BLNK: variants seen among roughly 807,000 people sequenced by gnomAD.
The protein encoded by BLNK is B cell linker.
BLNK carries 29 observed loss-of-function variants against 73.5 expected under a neutral mutation model. The observed-to-expected ratio is 0.39, with a 90% CI of 0.29 to 0.54. The LOEUF (loss-of-function observed/expected upper bound fraction) is 0.54. BLNK is among the 20% of genes least tolerant of loss of function. The probability of loss-of-function intolerance (pLI) is 0.61; values close to 1 mark genes in which losing one functional copy is unlikely to be tolerated. For synonymous variants in BLNK, 176 were observed against 200.8 expected, an observed-to-expected ratio of 0.88 and a Z score of 1.04; for missense variants, 460 against 562.8, an observed-to-expected ratio of 0.82 and a Z score of 1.85.
At chr10:96,199,746 G>A (rs972814518) in intron 15 of BLNK, among the ~76,000 whole-genome samples, 3 of 152,154 alleles carry the variant, frequency 2.0e-5, no homozygotes, top group South Asian at 2.1e-4. Flanking sequence ...TTGGCCGGGC[G>A]CGGTGGCTCA....
Position 96,223,889 on chromosome 10 carries a change from C to G in BLNK, c.462G>C (p.Pro154=), listed in dbSNP as rs149698554. 6.2e-7 allele frequency: 1 copy of G among 1,613,774 alleles called. No individual in the cohort carries two copies. The change falls in exon 6 of 17, where the codon CCG becomes CCC. Residue 154 remains proline (P), a synonymous_variant. Transcript: ENST00000224337. ...SEKARLTSTL[P]ALTALQKPQV... ...GAGGTTTCTGCAAAGCAGTCAGGGCCGGCAGGGTGGAGGTGAGCCTTGCTT... is the reference window on the plus strand; with the variant it reads ...GAGGTTTCTGCAAAGCAGTCAGGGCGGGCAGGGTGGAGGTGAGCCTTGCTT...
At chr10:96,267,005 A>T (rs1409514816) in intron 1 of BLNK, among the ~76,000 whole-genome samples, 1 of 152,256 alleles carries the variant, frequency 6.6e-6, no homozygotes, top group Non-Finnish European at 1.5e-5. Context: ...TGAGGTGTAG[A>T]GAAACTGAAT....
rs782108365 is a variant in BLNK, at chr10:96,227,439, G to C, written c.332C>G (p.Ala111Gly). The C allele has an allele frequency of 2.5e-6, 4 of 1,614,176 alleles. No individual in the cohort carries two copies. Among genetic ancestry groups the C allele is most frequent in the Non-Finnish European group, 3.4e-6 (4 of 1,180,060 alleles). The stretch of plus-strand genomic sequence containing the variant: ...ATACTCGCCTCTGGCGAAGGGCAGG[G>C]CTGGGTGAACCGGCCTGGTTTCCTG... ...VEQETRPVHP[A>G]LPFARGEYID... Residue 111 changes from alanine to glycine, a missense_variant, in exon 5 of 17, where the codon GCC (alanine) becomes GGC (glycine). Transcript: ENST00000224337.
At chr10:96,240,372 A>T (rs1842845829) in intron 3 of BLNK, among the ~76,000 whole-genome samples, 1 of 152,098 alleles carries the variant, frequency 6.6e-6, no homozygotes, top group Admixed American at 6.5e-5. Flanking sequence ...CTAACTTCTT[A>T]ATTCTCTCCT....
At chr10:96,260,213 T>A (rs1554912373) in intron 1 of BLNK, among the ~76,000 whole-genome samples, 1 of 152,180 alleles carries the variant, frequency 6.6e-6, no homozygotes, top group African/African-American at 2.4e-5. Flanking sequence ...TGTTCATAGA[T>A]GACACAGACT....
chr10:96,260,249 G>A (rs910905801), intron 1 of BLNK, among the ~76,000 whole-genome samples: 1 of 152,164 alleles, frequency 6.6e-6, no homozygotes, highest in East Asian at 1.9e-4. Flanking sequence ...ACACTAAGAG[G>A]TCATGTCATT....
chr10:96,270,067 G>A (rs1271435725), intron 1 of BLNK, among the ~76,000 whole-genome samples: 1 of 152,082 alleles, frequency 6.6e-6, no homozygotes, highest in Non-Finnish European at 1.5e-5. Context: ...CCTCATGAGG[G>A]TGTAGCTATT....
intron 1 of BLNK, among the ~76,000 whole-genome samples, chr10:96,267,006 G>A (rs1158094080): frequency 6.6e-6 from 1 of 152,248 alleles, no homozygotes; most frequent in Non-Finnish European, 1.5e-5. Flanking sequence ...GAGGTGTAGA[G>A]AAACTGAATG....
intron 1 of BLNK, among the ~76,000 whole-genome samples, chr10:96,250,386 G>C (rs1843230082): frequency 6.6e-6 from 1 of 151,778 alleles, no homozygotes; most frequent in Admixed American, 6.6e-5. Flanking sequence ...AGTGGGGAGA[G>C]AGATTGAGAG....
intron 13 of BLNK, chr10:96,203,586 C>T (rs2083711359): frequency 6.5e-6 from 1 of 152,676 alleles, no homozygotes. Context: ...TGATGTTTGC[C>T]TTGGAAAAAT....
Position 96,189,457 on chromosome 10 carries a change from T to C in BLNK, c.*2516A>G, listed in dbSNP as rs1406807333. 1 of 621,532 alleles carries C rather than the reference T, an allele frequency of 1.6e-6. No individual in the cohort carries two copies. Among genetic ancestry groups the C allele is most frequent in the South Asian group, 1.4e-5 (1 of 72,758 alleles). The allele number at this position is 621,532 out of a possible 1,614,324, so 38.5% of individuals were successfully genotyped here. On this transcript the variant is annotated 3_prime_UTR_variant, in exon 17 of 17. Transcript: ENST00000224337. ...TAATTGATGAACTTGGCTTCCACTT[T>C]GGGAAGAGAACCACCTTTTTCTATA...
chr10:96,241,333 T>C (rs1842873517), intron 3 of BLNK, among the ~76,000 whole-genome samples: 1 of 152,254 alleles, frequency 6.6e-6, no homozygotes. Context: ...GAAATCTTTA[T>C]AATTAATGCT....
In BLNK at chr10:96,189,938, G is replaced by A; in HGVS notation, c.*2035C>T. ...CTTCAACCATAAAAGCACTGGTGGT[G>A]TTATTTCAAAGACCCCAAGGGAAAC... On this transcript the variant is annotated 3_prime_UTR_variant, in exon 17 of 17. Transcript: ENST00000224337. The A allele has an allele frequency of 1.0e-6, 1 of 964,188 alleles. No individual in the cohort carries two copies. The highest frequency in any genetic ancestry group is 1.7e-5 in the Admixed American group (1 of 58,922). The allele number at this position is 964,188 out of a possible 1,614,324, so 59.7% of individuals were successfully genotyped here. A position where few individuals can be genotyped will look rare whatever the true frequency, so the allele number is the denominator to read the frequency against.
chr10:96,190,909 G>T lies in BLNK; in HGVS notation c.*1064C>A, dbSNP rs782022452. Among the ~76,000 whole-genome samples the T allele has an allele frequency of 3.9e-5, 6 of 152,138 alleles. No homozygotes were observed. The highest frequency in any genetic ancestry group is 7.4e-5 in the Non-Finnish European group (5 of 68,020). On this transcript the variant is annotated 3_prime_UTR_variant, in exon 17 of 17. Transcript: ENST00000224337. ...ATATTTCTCTAGGAACTGGCTTTTA[G>T]TCTAGCTTTGCTGTCATTCCACTTT...
chr10:96,225,860 G>A (rs1842236169), intron 5 of BLNK, among the ~76,000 whole-genome samples: 2 of 152,100 alleles, frequency 1.3e-5, no homozygotes, highest in Admixed American at 6.5e-5. Flanking sequence ...GGCCAGGCTG[G>A]TCTTGAACTC....
chr10:96,206,102 A>G (rs1264021709), intron 11 of BLNK, among the ~76,000 whole-genome samples: 2 of 152,198 alleles, frequency 1.3e-5, no homozygotes, highest in African/African-American at 2.4e-5. Flanking sequence ...AAAAAACCTA[A>G]TGGCGTCATT....
intron 4 of BLNK, among the ~76,000 whole-genome samples, chr10:96,229,108 T>C (rs1842394742): frequency 6.6e-6 from 1 of 151,724 alleles, no homozygotes; most frequent in Non-Finnish European, 1.5e-5. Flanking sequence ...ATTCTTTTAG[T>C]TATTTTTAAA....
intron 1 of BLNK, among the ~76,000 whole-genome samples, chr10:96,254,961 A>G (rs1554910647): frequency 1.3e-5 from 2 of 152,170 alleles, no homozygotes; most frequent in Non-Finnish European, 2.9e-5. Flanking sequence ...AATAATCTTG[A>G]CACCCAGGCC....
intron 6 of BLNK, among the ~76,000 whole-genome samples, chr10:96,220,024 TATA>T (rs1345685261): frequency 6.6e-6 from 1 of 152,216 alleles, no homozygotes; most frequent in Admixed American, 6.5e-5. Flanking sequence ...AACCCATTTG[TATA>T]ATAAGATTAG....
Sources: allele counts gnomAD v4.1 joint callset (sites outside exome capture counted in the v4.1 genomes callset), GRCh38; gene constraint gnomAD v4.1.1; transcripts MANE v1.5; gene names NCBI Gene and HGNC (gene_info 2026-07-23, HGNC 2026-07-21).